ADK: variants seen among roughly 807,000 people sequenced by gnomAD.
ADK encodes N6,N6-dimethyladenosine kinase.
A neutral mutation model predicts 44.7 loss-of-function variants in ADK; 24 were observed. The observed-to-expected ratio is 0.54, with a 90% CI of 0.39 to 0.76. The LOEUF (loss-of-function observed/expected upper bound fraction) is 0.76. Among genes scored for constraint, ADK ranks in the 30% least tolerant of loss-of-function variants. The pLI, the probability that ADK is intolerant of heterozygous loss-of-function variation, is 0.00. For missense variants in ADK, 321 were observed against 425.1 expected (o/e 0.76, Z 2.15); for synonymous variants, 128 against 142.6 (o/e 0.90, Z 0.73).
intron 6 of ADK, among the ~76,000 whole-genome samples, chr10:74,457,750 A>G (rs552739145): frequency 5.1e-4 from 78 of 152,348 alleles, no homozygotes; most frequent in Middle Eastern, 3.4e-3. Flanking sequence ...CATCATTCTC[A>G]GTAAACTAAC....
chr10:74,589,108 T>C (rs956587480), intron 7 of ADK, among the ~76,000 whole-genome samples, 174 bp from the exon 8 acceptor site: 1 of 152,156 alleles, frequency 6.6e-6, no homozygotes, highest in African/African-American at 2.4e-5. Context: ...TTTTTTATTA[T>C]TATTATTCCA....
At chr10:74,380,466 A>G (rs1842944679) in intron 4 of ADK, among the ~76,000 whole-genome samples, 1 of 152,096 alleles carries the variant, frequency 6.6e-6, no homozygotes, top group Non-Finnish European at 1.5e-5. Context: ...TCATGAGAAG[A>G]ATAGTTCTTC....
At chr10:74,437,034 A>G (rs1845199042) in intron 6 of ADK, among the ~76,000 whole-genome samples, 1 of 152,214 alleles carries the variant, frequency 6.6e-6, no homozygotes, top group Non-Finnish European at 1.5e-5. Context: ...GTAATGAAAT[A>G]GAAAACAAGA....
At chr10:74,273,227 G>T (rs1009618186) in intron 3 of ADK, among the ~76,000 whole-genome samples, 1 of 151,722 alleles carries the variant, frequency 6.6e-6, no homozygotes, top group African/African-American at 2.4e-5. Flanking sequence ...CTCTACCTCA[G>T]TTGCGGAGAG....
chr10:74,507,977 T>G (rs1277033230), intron 6 of ADK, among the ~76,000 whole-genome samples: 1 of 152,142 alleles, frequency 6.6e-6, no homozygotes, highest in Non-Finnish European at 1.5e-5. Context: ...TAGTGGACAT[T>G]TCAGATAGAA....
chr10:74,374,547 G>A (rs1057004341), intron 4 of ADK, among the ~76,000 whole-genome samples: 2 of 152,078 alleles, frequency 1.3e-5, no homozygotes, highest in African/African-American at 4.8e-5. Context: ...CAGAGACCCA[G>A]GGAGAATTAT....
chr10:74,557,403 A>G (rs1850297506), intron 7 of ADK, among the ~76,000 whole-genome samples: 1 of 152,232 alleles, frequency 6.6e-6, no homozygotes, highest in African/African-American at 2.4e-5. Context: ...ACAAAGTAGA[A>G]TAAATGGCCA....
intron 2 of ADK, among the ~76,000 whole-genome samples, chr10:74,221,564 T>A (rs1209726716): frequency 1.1e-4 from 17 of 150,174 alleles, no homozygotes; most frequent in South Asian, 4.2e-4. Context: ...CATCGCCAAG[T>A]CAATCTTAAG....
At chr10:74,231,489 A>G (rs1201657487) in intron 3 of ADK, among the ~76,000 whole-genome samples, 1 of 149,698 alleles carries the variant, frequency 6.7e-6, no homozygotes, top group Non-Finnish European at 1.5e-5. Flanking sequence ...TTTTTTTGAG[A>G]CAAGATCTAA....
intron 9 of ADK, among the ~76,000 whole-genome samples, chr10:74,617,256 T>C (rs1261216603): frequency 1.3e-5 from 2 of 152,176 alleles, no homozygotes; most frequent in African/African-American, 4.8e-5. Context: ...ATTCCCGATA[T>C]CAGTTGAAAA....
At chr10:74,391,528 T>C (rs1324373594) in intron 4 of ADK, among the ~76,000 whole-genome samples, 2 of 151,938 alleles carry the variant, frequency 1.3e-5, no homozygotes, top group East Asian at 3.8e-4. Context: ...TATATGTATA[T>C]AGTATAGTAT....
chr10:74,280,415 A>AACACAC (rs71021599), intron 3 of ADK, among the ~76,000 whole-genome samples: 46,404 of 144,252 alleles, frequency 0.32, 8,337 homozygotes, highest in Non-Finnish European at 0.4. Context: ...AACAAGTTTA[A>AACACAC]ACACACACAC....
intron 7 of ADK, among the ~76,000 whole-genome samples, chr10:74,564,292 C>A (rs376369608): frequency 6.6e-6 from 1 of 151,948 alleles, no homozygotes; most frequent in Non-Finnish European, 1.5e-5. Context: ...TGAAGGAAGG[C>A]GGCTTAAAAA....
intron 6 of ADK, among the ~76,000 whole-genome samples, chr10:74,485,396 A>G (rs1262819316): frequency 6.6e-6 from 1 of 151,930 alleles, no homozygotes; most frequent in Non-Finnish European, 1.5e-5. Context: ...CAGGATGTCA[A>G]GGTTGCAGTG....
At chr10:74,685,941 A>G (rs560538980) in intron 10 of ADK, among the ~76,000 whole-genome samples, 21 of 152,028 alleles carry the variant, frequency 1.4e-4, no homozygotes, top group Admixed American at 1.3e-3. Flanking sequence ...CTGGGTCAAA[A>G]TATGTGGGGT....
At chr10:74,167,631 C>T (rs1842065641) in intron 1 of ADK, among the ~76,000 whole-genome samples, 1 of 152,164 alleles carries the variant, frequency 6.6e-6, no homozygotes, top group Admixed American at 6.5e-5. Flanking sequence ...GTGGCAGCTC[C>T]AAGAGACCAA....
intron 6 of ADK, among the ~76,000 whole-genome samples, chr10:74,442,139 A>C (rs1379184520): frequency 6.6e-6 from 1 of 151,978 alleles, no homozygotes; most frequent in Non-Finnish European, 1.5e-5. Flanking sequence ...AAAGAAAAAA[A>C]AAATTACTCC....
chr10:74,632,486 T>A (rs1853476901), intron 9 of ADK, among the ~76,000 whole-genome samples: 1 of 152,198 alleles, frequency 6.6e-6, no homozygotes, highest in Non-Finnish European at 1.5e-5. Flanking sequence ...TTGTTCCTTG[T>A]CTCTTCCTAG....
At chr10:74,423,698 T>C in intron 6 of ADK, 1 of 444,164 alleles carries the variant, frequency 2.3e-6, no homozygotes. Flanking sequence ...GTGACAATGT[T>C]GGGGCTGGCC....
Sources: gnomAD v4.1 joint callset for allele counts (sites outside exome capture counted in the v4.1 genomes callset) on GRCh38, gnomAD v4.1.1 for gene constraint, MANE v1.5 for transcripts, NCBI Gene and HGNC (gene_info 2026-07-23, HGNC 2026-07-21) for gene names.